The following DPP6 variants were observed in gnomAD, a reference collection of about 807,000 sequenced individuals.
DPP6 encodes the protein dipeptidyl peptidase like 6, also known as A-type potassium channel modulatory protein DPP6.
In DPP6, 69 loss-of-function variants were observed where a neutral mutation model predicts 122.6. The observed-to-expected ratio is 0.56, with a 90% CI of 0.46 to 0.69. The LOEUF is 0.69. DPP6 is among the 30% of genes least tolerant of loss of function. The pLI is 0.00. For synonymous variants in DPP6, 418 were observed against 433.1 expected (o/e 0.97, Z 0.43); for missense variants, 928 against 1,116.9 (o/e 0.83, Z 2.41).
At chr7:154,804,882 C>A (rs745569416) in intron 14 of DPP6, 35 bp from the exon 15 acceptor site, 3 of 1,587,708 alleles carry the variant, frequency 1.9e-6, no homozygotes, top group South Asian at 2.3e-5. Flanking sequence ...TGCCTTGGAG[C>A]AAACTAACCC....
At chr7:154,549,623 G>A (rs1265348453) in intron 4 of DPP6, among the ~76,000 whole-genome samples, 1 of 152,162 alleles carries the variant, frequency 6.6e-6, no homozygotes, top group African/African-American at 2.4e-5. Context: ...ACTAACCATG[G>A]AAGCATTGAT....
At chr7:154,731,199 G>C (rs530009290) in intron 8 of DPP6, among the ~76,000 whole-genome samples, 1 of 152,270 alleles carries the variant, frequency 6.6e-6, no homozygotes, top group East Asian at 1.9e-4. Flanking sequence ...AAAAGTTAGG[G>C]GGTGGGGGGA....
chr7:154,029,715 G>A (rs138187468), intron 1 of DPP6, among the ~76,000 whole-genome samples: 3,516 of 148,870 alleles, frequency 0.024, 119 homozygotes, highest in African/African-American at 0.081. Context: ...GCATGGTGGC[G>A]GGCGCCTGTA....
intron 1 of DPP6, among the ~76,000 whole-genome samples, chr7:153,976,324 G>A (rs1464380746): frequency 2.0e-5 from 3 of 152,128 alleles, no homozygotes; most frequent in Non-Finnish European, 2.9e-5. Context: ...CTCCTTGGGC[G>A]CATTTCTCTA....
chr7:154,385,421 A>G (rs542892929), intron 1 of DPP6, among the ~76,000 whole-genome samples: 1 of 152,322 alleles, frequency 6.6e-6, no homozygotes, highest in African/African-American at 2.4e-5. Flanking sequence ...ATCTGTGATC[A>G]GATTCCGCCT....
intron 1 of DPP6, among the ~76,000 whole-genome samples, chr7:154,227,232 C>CACACACACACACACACACACACA (rs1236797908): frequency 2.8e-3 from 3 of 1,062 alleles, no homozygotes; most frequent in Admixed American, 8.6e-3. Context: ...ACACACACAC[C>CACACACACACACACACACACACA]CCTAGGAATA....
chr7:154,173,854 G>C (rs980041963), intron 1 of DPP6, among the ~76,000 whole-genome samples: 1 of 152,156 alleles, frequency 6.6e-6, no homozygotes, highest in Non-Finnish European at 1.5e-5. Flanking sequence ...CGGGGCCTTT[G>C]ACTGTGGCTG....
intron 1 of DPP6, among the ~76,000 whole-genome samples, chr7:154,146,386 C>T (rs1470349090): frequency 7.1e-6 from 1 of 140,796 alleles, no homozygotes; most frequent in Non-Finnish European, 1.6e-5. Flanking sequence ...AAAATAGATC[C>T]CACAGCACTT....
intron 1 of DPP6, among the ~76,000 whole-genome samples, chr7:154,298,880 G>A (rs553367651): frequency 6.6e-6 from 1 of 152,324 alleles, no homozygotes; most frequent in East Asian, 1.9e-4. Flanking sequence ...CAGATGTTCA[G>A]CCTTGCTTGT....
intron 1 of DPP6, among the ~76,000 whole-genome samples, chr7:154,027,814 C>T (rs1175181069): frequency 6.6e-6 from 1 of 151,906 alleles, no homozygotes; most frequent in East Asian, 1.9e-4. Context: ...CTCTCCTTTC[C>T]TCTTCCAGTA....
intron 5 of DPP6, among the ~76,000 whole-genome samples, chr7:154,633,123 A>G (rs116625065): frequency 0.015 from 2,292 of 152,342 alleles, 59 homozygotes; most frequent in African/African-American, 0.052. Flanking sequence ...GAACTTCTAA[A>G]AAATGGCACT....
At position 154,438,374 on chromosome 7, in the gene DPP6, T is replaced by G. The variant is rs547128602; in HGVS notation, c.244-7840T>G. Among the ~76,000 whole-genome samples the G allele has an allele frequency of 5.7e-4, 78 of 136,816 alleles. 1 individual carries two copies. The highest frequency in any genetic ancestry group is 1.9e-3 in the African/African-American group (69 of 36,214). 89.8% of individuals were successfully genotyped at this position (136,816 alleles called of 152,430 possible). On this transcript the variant is annotated intron_variant, in intron 1 of 25. Coordinates refer to ENST00000377770, the MANE Select transcript of DPP6 (RefSeq NM_130797.4). Reference sequence around the variant, plus strand: ...AGTCCCAGCTACTCAGGAGGCTGAGTCAGGAGAACGGCGTGAACCCAGGAG... The same window carrying G: ...AGTCCCAGCTACTCAGGAGGCTGAGGCAGGAGAACGGCGTGAACCCAGGAG...
At chr7:153,864,520 G>T in the DPP6 span, among the ~76,000 whole-genome samples, 1 of 152,044 alleles carries the variant, frequency 6.6e-6, no homozygotes, top group Non-Finnish European at 1.5e-5. Context: ...GCTGGGCATG[G>T]TGGTGGGCGC....
the DPP6 span, among the ~76,000 whole-genome samples, chr7:153,880,268 C>A: frequency 3.9e-5 from 6 of 152,276 alleles, no homozygotes; most frequent in South Asian, 1.2e-3. Flanking sequence ...AAAGACTCTA[C>A]AAGAACTCTA....
the DPP6 span, among the ~76,000 whole-genome samples, chr7:153,859,534 C>A: frequency 6.6e-6 from 1 of 152,154 alleles, no homozygotes. Flanking sequence ...ACCTCTAAGA[C>A]AACCAAGGGG....
At chr7:154,892,009 C>A (rs536527230) in intron 25 of DPP6, among the ~76,000 whole-genome samples, 1 of 152,196 alleles carries the variant, frequency 6.6e-6, no homozygotes, top group Admixed American at 6.5e-5. Flanking sequence ...CCAATGTTTT[C>A]ACCCAGTTCC....
At chr7:153,880,669 A>C in the DPP6 span, among the ~76,000 whole-genome samples, 1 of 152,224 alleles carries the variant, frequency 6.6e-6, no homozygotes, top group African/African-American at 2.4e-5. Flanking sequence ...GTAGCCTAAC[A>C]CATTTGTTAA....
the DPP6 span, among the ~76,000 whole-genome samples, chr7:153,788,043 C>A: frequency 6.6e-6 from 1 of 152,088 alleles, no homozygotes; most frequent in Middle Eastern, 3.4e-3. Context: ...ATCAGATTTT[C>A]TTTTATAAAA....
chr7:153,840,159 T>G, the DPP6 span, among the ~76,000 whole-genome samples: 1 of 152,196 alleles, frequency 6.6e-6, no homozygotes, highest in Non-Finnish European at 1.5e-5. Flanking sequence ...TTGAATAATA[T>G]TCCATTTCAG....
Sources: allele counts gnomAD v4.1 joint callset (sites outside exome capture counted in the v4.1 genomes callset), GRCh38; gene constraint gnomAD v4.1.1; transcripts MANE v1.5; gene names NCBI Gene and HGNC (gene_info 2026-07-23, HGNC 2026-07-21).